USH2A: variants seen among roughly 807,000 people sequenced by gnomAD.
The protein encoded by USH2A is usherin.
USH2A carries 443 observed loss-of-function variants against 538.9 expected under a neutral mutation model. The ratio of observed to expected loss-of-function variants is 0.82; its 90% CI spans 0.76 to 0.89. The LOEUF is 0.89. Among genes scored for constraint, USH2A ranks in the 40% least tolerant of loss-of-function variants. The pLI is 0.00. For missense variants in USH2A, 6,633 were observed against 6,324.8 expected, an observed-to-expected ratio of 1.05 and a Z score of -1.65; for synonymous variants, 2,413 against 2,273.5, an observed-to-expected ratio of 1.06 and a Z score of -1.75.
At chr1:215,904,321 T>C (rs1455384736) in intron 38 of USH2A, among the ~76,000 whole-genome samples, 1 of 152,088 alleles carries the variant, frequency 6.6e-6, no homozygotes, top group Non-Finnish European at 1.5e-5. Flanking sequence ...TAATAAGATG[T>C]CACGAATTCT....
chr1:215,794,273 A>T (rs1662061492), intron 50 of USH2A, among the ~76,000 whole-genome samples: 1 of 152,224 alleles, frequency 6.6e-6, no homozygotes, highest in Non-Finnish European at 1.5e-5. Flanking sequence ...GAGAAAGTCA[A>T]TTCAATGTGA....
intron 21 of USH2A, chr1:216,174,406 G>A: frequency 1.0e-6 from 1 of 985,172 alleles, no homozygotes; most frequent in Non-Finnish European, 1.2e-6. Context: ...GAAGCTGTAA[G>A]TCACAGAGGT....
chr1:215,806,346 C>G (rs1037631573), intron 49 of USH2A, among the ~76,000 whole-genome samples: 32 of 151,336 alleles, frequency 2.1e-4, no homozygotes, highest in Admixed American at 1.3e-3. Context: ...ATTAAATGTG[C>G]ACCTGAAAGT....
At chr1:215,759,623 C>T in intron 57 of USH2A, 37 bp downstream of exon 57, 2 of 1,612,278 alleles carry the variant, frequency 1.2e-6, no homozygotes, top group South Asian at 2.2e-5. Context: ...ATGTACAAAT[C>T]CTGCTGTATG....
chr1:215,905,198 CAAG>C (rs1407614297), intron 38 of USH2A, among the ~76,000 whole-genome samples: 4 of 151,974 alleles, frequency 2.6e-5, no homozygotes, highest in African/African-American at 7.2e-5. Flanking sequence ...TCTGTGGGGA[CAAG>C]AAGAAGAATA....
intron 56 of USH2A, among the ~76,000 whole-genome samples, chr1:215,765,461 T>C (rs1054902365): frequency 2.0e-5 from 3 of 152,136 alleles, no homozygotes; most frequent in Non-Finnish European, 1.5e-5. Context: ...AGAAGAGTAA[T>C]GGACAAGTAG....
intron 4 of USH2A, among the ~76,000 whole-genome samples, chr1:216,329,574 C>T (rs566322577): frequency 6.6e-6 from 1 of 152,170 alleles, no homozygotes; most frequent in Non-Finnish European, 1.5e-5. Flanking sequence ...TATCCCTAAC[C>T]ATGCTCAGTT....
chr1:215,650,324 CT>C (rs1486864505), intron 65 of USH2A, among the ~76,000 whole-genome samples: 1 of 152,070 alleles, frequency 6.6e-6, no homozygotes, highest in East Asian at 1.9e-4. Flanking sequence ...GTGTGATTGC[CT>C]TTAAAGTCTT....
intron 21 of USH2A, among the ~76,000 whole-genome samples, chr1:216,154,826 T>C (rs1184359677): frequency 6.6e-6 from 1 of 152,178 alleles, no homozygotes; most frequent in East Asian, 1.9e-4. Context: ...TCAATTCACC[T>C]ACTGATGGAT....
intron 14 of USH2A, among the ~76,000 whole-genome samples, chr1:216,226,755 TG>T (rs2035570336): frequency 6.6e-6 from 1 of 152,206 alleles, no homozygotes; most frequent in African/African-American, 2.4e-5. Flanking sequence ...ATCTTCTAAG[TG>T]GTACTTTGAG....
At chr1:215,638,134 A>G (rs1656558237) in intron 69 of USH2A, among the ~76,000 whole-genome samples, 1 of 152,204 alleles carries the variant, frequency 6.6e-6, no homozygotes, top group African/African-American at 2.4e-5. Flanking sequence ...TAGAATATTA[A>G]CATTATGATC....
chr1:216,068,817 C>T (rs1420306547), intron 30 of USH2A, among the ~76,000 whole-genome samples: 2 of 152,096 alleles, frequency 1.3e-5, no homozygotes, highest in African/African-American at 4.8e-5. Context: ...TTTTAGCATG[C>T]ATTCATTCAT....
intron 51 of USH2A, among the ~76,000 whole-genome samples, chr1:215,788,961 A>C (rs1661891533): frequency 7.8e-6 from 1 of 127,744 alleles, no homozygotes; most frequent in South Asian, 2.3e-4. Context: ...AAACAGGGGA[A>C]TCAACACAGG....
At chr1:215,856,810 C>G (rs1485663086) in intron 44 of USH2A, among the ~76,000 whole-genome samples, 2 of 149,950 alleles carry the variant, frequency 1.3e-5, no homozygotes, top group Non-Finnish European at 3.0e-5. Flanking sequence ...GCCCATCAAT[C>G]AATGAGTGGA....
At chr1:216,137,376 G>C (rs191952365) in intron 21 of USH2A, among the ~76,000 whole-genome samples, 1 of 152,116 alleles carries the variant, frequency 6.6e-6, no homozygotes, top group Non-Finnish European at 1.5e-5. Flanking sequence ...CACTTCTTAC[G>C]TGGTGGCAGC....
chr1:216,320,156 G>A (rs1003190559), intron 9 of USH2A, among the ~76,000 whole-genome samples: 3 of 152,228 alleles, frequency 2.0e-5, no homozygotes, highest in African/African-American at 4.8e-5. Context: ...AGATGTTTGG[G>A]TTATGGAGGT....
chr1:216,088,400 C>T lies in USH2A; in HGVS notation c.4885+613G>A, dbSNP rs2032199891. Among the ~76,000 whole-genome samples the T allele has an allele frequency of 5.3e-5, 8 of 152,110 alleles. No individual in the cohort carries two copies. In the South Asian group the frequency reaches 1.7e-3, roughly 31 times the overall value. ...TAAGTTTTACAGTATTCTCTTTGCTCCTTGTATCCAGAGCACCTAGAACAA... is the reference window on the plus strand; with the variant it reads ...TAAGTTTTACAGTATTCTCTTTGCTTCTTGTATCCAGAGCACCTAGAACAA... On this transcript the variant is annotated intron_variant, in intron 23 of 71. Transcript: ENST00000307340.
chr1:216,038,873 T>A (rs1266639467), intron 32 of USH2A, among the ~76,000 whole-genome samples: 2 of 152,054 alleles, frequency 1.3e-5, no homozygotes, highest in Non-Finnish European at 2.9e-5. Context: ...ACTCCATTGC[T>A]TTTCTAACTG....
rs368392889 is a variant in USH2A, at chr1:216,323,686, T to C, written c.1338A>G (p.Pro446=). Residue 446 remains proline (P), a synonymous_variant, in exon 8 of 72, where the codon CCA becomes CCG. Transcript: ENST00000307340. ...TAAATGTGACATTGCCACGGGAATA[T>C]GGAGTAAAACTGTTAATGAAAGAAA... is the stretch of plus-strand genomic sequence containing the variant. ...VNCLQLSNFT[P]YSRGNVTFSI... The C allele has an allele frequency of 1.9e-6, 3 of 1,613,430 alleles. No individual in the cohort carries two copies. Among genetic ancestry groups the C allele is most frequent in the East Asian group, 2.2e-5 (1 of 44,784 alleles).
Sources: allele counts gnomAD v4.1 joint callset (sites outside exome capture counted in the v4.1 genomes callset), GRCh38; gene constraint gnomAD v4.1.1; transcripts MANE v1.5; gene names NCBI Gene and HGNC (gene_info 2026-07-23, HGNC 2026-07-21).